TENT5D: variants seen among roughly 807,000 people sequenced by gnomAD.
TENT5D encodes the protein cancer/testis antigen 112.
For synonymous variants in TENT5D, 103 were observed against 100.6 expected (o/e 1.02, Z -0.15); for missense variants, 191 against 287.0 (o/e 0.67, Z 2.42).
intron 3 of TENT5D, among the ~76,000 whole-genome samples, chrX:80,383,741 A>C (rs1161684044): frequency 9.0e-6 from 1 of 111,260 alleles, no homozygotes; most frequent in Non-Finnish European, 1.9e-5. Flanking sequence ...CTGTAGTCCC[A>C]GCTACTCGGG....
At chrX:80,383,485 A>T (rs1318704599) in intron 3 of TENT5D, among the ~76,000 whole-genome samples, 2 of 112,304 alleles carry the variant, frequency 1.8e-5, no homozygotes, top group African/African-American at 6.5e-5. Context: ...TATATATAAA[A>T]GTACTGATTT....
chrX:80,392,782 C>T (rs1168015380), intron 3 of TENT5D, among the ~76,000 whole-genome samples: 1 of 109,329 alleles, frequency 9.1e-6, no homozygotes, highest in African/African-American at 3.3e-5. Flanking sequence ...TCCCAAAGTG[C>T]TGGGATTACA....
At chrX:80,433,554 G>A (rs1315442560) in intron 1 of TENT5D, among the ~76,000 whole-genome samples, 1 of 112,054 alleles carries the variant, frequency 8.9e-6, no homozygotes, top group African/African-American at 3.2e-5. Flanking sequence ...ATTTCTCTGG[G>A]ATTAGGGGCA....
intron 3 of TENT5D, among the ~76,000 whole-genome samples, chrX:80,411,961 C>A (rs1015902816): frequency 5.3e-5 from 6 of 112,281 alleles, no homozygotes; most frequent in African/African-American, 1.9e-4. Flanking sequence ...GTGGGGGCTC[C>A]AACCCCACAT....
At chrX:80,403,868 C>T (rs1291329643) in intron 3 of TENT5D, among the ~76,000 whole-genome samples, 5 of 111,939 alleles carry the variant, frequency 4.5e-5, no homozygotes, top group East Asian at 5.6e-4. Context: ...TAAGAACACA[C>T]CCCTGAGGAA....
chrX:80,400,933 A>C (rs1480333921), intron 3 of TENT5D, among the ~76,000 whole-genome samples: 1 of 110,872 alleles, frequency 9.0e-6, no homozygotes, highest in Non-Finnish European at 1.9e-5. Context: ...TTTTCGGATT[A>C]TTTTTCTATA....
chrX:80,425,919 C>T (rs1222776586), intron 1 of TENT5D, among the ~76,000 whole-genome samples: 4 of 110,194 alleles, frequency 3.6e-5, no homozygotes, highest in Non-Finnish European at 7.6e-5. Flanking sequence ...TCCAGCTACT[C>T]GGGAGGCTGA....
intron 3 of TENT5D, among the ~76,000 whole-genome samples, chrX:80,381,562 G>T (rs1930867283): frequency 8.9e-6 from 1 of 111,830 alleles, no homozygotes; most frequent in South Asian, 3.7e-4. Context: ...TTTCCAGCTT[G>T]GTTCCATTCT....
intron 3 of TENT5D, among the ~76,000 whole-genome samples, chrX:80,392,522 T>G (rs1931153562): frequency 1.3e-5 from 1 of 75,248 alleles, no homozygotes; most frequent in Non-Finnish European, 2.5e-5. Context: ...TTTTTTTTTT[T>G]TTTTTGAGAC....
chrX:80,368,561 A>T (rs1239633820), intron 3 of TENT5D, among the ~76,000 whole-genome samples: 1 of 111,701 alleles, frequency 9.0e-6, no homozygotes, highest in Non-Finnish European at 1.9e-5. Context: ...TATTGCAGTC[A>T]ATTGATTTAA....
rs774109387 is a variant in TENT5D at position 80,397,796 on chromosome X, G to A, written c.-141-40814G>A. Among the ~76,000 whole-genome samples the A allele has an allele frequency of 3.6e-5, 4 of 112,309 alleles. No individual in the cohort carries two copies. In the South Asian group the frequency reaches 1.5e-3, roughly 42 times the overall value. On this transcript the variant is annotated intron_variant, in intron 3 of 4. Coordinates refer to the TENT5D transcript ENST00000538312. ...ATACGAAAACAAGTCAGGCGTGGCG[G>A]CGCGCGCCTGCAATCGCAGGCACTC...
chrX:80,402,865 G>A (rs1035712893), intron 3 of TENT5D, among the ~76,000 whole-genome samples: 1 of 111,750 alleles, frequency 8.9e-6, no homozygotes, highest in African/African-American at 3.2e-5. Context: ...GTTGCCATTA[G>A]ATAGAATGTT....
At chrX:80,372,801 C>T (rs767746612) in intron 3 of TENT5D, among the ~76,000 whole-genome samples, 2 of 107,101 alleles carry the variant, frequency 1.9e-5, no homozygotes, top group African/African-American at 3.4e-5. Context: ...GCAGGAGAAT[C>T]GCTTGAACCT....
chrX:80,443,673 C>A (rs760549896), exon 3 of TENT5D: 7 of 1,196,287 alleles, frequency 5.9e-6, no homozygotes, highest in Non-Finnish European at 6.8e-6. Context: ...AGCCATACCA[C>A]CCACTGCACT....
intron 1 of TENT5D, among the ~76,000 whole-genome samples, chrX:80,431,607 G>GGA (rs1293471308): frequency 9.0e-6 from 1 of 111,708 alleles, no homozygotes; most frequent in East Asian, 2.8e-4. Flanking sequence ...TGGAAGGCAA[G>GGA]GAGGAGCAAG....
chrX:80,431,685 CTCATGAGACTCATTA>C (rs1932091620), intron 1 of TENT5D, among the ~76,000 whole-genome samples: 1 of 111,251 alleles, frequency 9.0e-6, no homozygotes, highest in African/African-American at 3.3e-5. Flanking sequence ...ACCATCAGAT[CTCATGAGACTCATTA>C]TCATGAGGCC....
At chrX:80,359,678 C>G (rs776372845) in intron 3 of TENT5D, among the ~76,000 whole-genome samples, 1 of 111,185 alleles carries the variant, frequency 9.0e-6, no homozygotes, top group South Asian at 3.9e-4. Flanking sequence ...GGAGAAATAC[C>G]TAATGTAGAT....
chrX:80,404,479 G>A (rs1444387757), intron 3 of TENT5D, among the ~76,000 whole-genome samples: 1 of 111,397 alleles, frequency 9.0e-6, no homozygotes. Context: ...CTGACACAGG[G>A]GCCCGCATGC....
At chrX:80,411,240 A>G (rs1450422781) in intron 3 of TENT5D, among the ~76,000 whole-genome samples, 2 of 110,799 alleles carry the variant, frequency 1.8e-5, no homozygotes, top group Non-Finnish European at 3.8e-5. Context: ...AACTTAAAGT[A>G]TAATAAAAAA....
Sources: gnomAD v4.1 joint callset for allele counts (sites outside exome capture counted in the v4.1 genomes callset) on GRCh38, gnomAD v4.1.1 for gene constraint, MANE v1.5 for transcripts, NCBI Gene and HGNC (gene_info 2026-07-23, HGNC 2026-07-21) for gene names.